Variants in SLC17A7 observed in about 807,000 individuals in gnomAD.
The protein encoded by SLC17A7 is vesicular glutamate transporter 1.
Under a neutral mutation model 59.1 loss-of-function variants are expected in SLC17A7, and 15 were observed. That is an observed-to-expected ratio of 0.25 (90% CI 0.17 to 0.39). The LOEUF is 0.39. Among genes scored for constraint, SLC17A7 ranks in the 10% least tolerant of loss-of-function variants. The probability of loss-of-function intolerance (pLI) is 1.00; values close to 1 mark genes in which losing one functional copy is unlikely to be tolerated. For synonymous variants in SLC17A7, 353 were observed against 308.9 expected (o/e 1.14, Z -1.50); for missense variants, 499 against 765.1 (o/e 0.65, Z 4.10).
chr19:49,431,072 C>G lies in SLC17A7; in HGVS notation c.1332G>C (p.Val444=), dbSNP rs767792001. The G allele has an allele frequency of 1.2e-6, 2 of 1,613,868 alleles. No homozygotes were observed. Among genetic ancestry groups the G allele is most frequent in the East Asian group, 4.5e-5 (2 of 44,876 alleles). ...ASILMGISNG[V]GTLSGMVCPI... ...GGCACACCATGCCCGACAGTGTGCC[C>G]ACGCCGTTGGAGATGCCCATGAGGA... Residue 444 remains valine (V), a synonymous_variant, in exon 11 of 12, where the codon GTG becomes GTC. Transcript: ENST00000221485. The surrounding 1 kb of genome is among the most constrained non-coding windows in gnomAD (Gnocchi z 4.6).
chr19:49,429,713 T>C lies in SLC17A7; in HGVS notation c.*806A>G. On this transcript the variant is annotated 3_prime_UTR_variant, in exon 12 of 12. Transcript: ENST00000221485. ...GCGAGGAATTGGGGAGGGGGCATCATGAAACCACCATGGGGGAGTTCAATG... is the reference window on the plus strand; with the variant it reads ...GCGAGGAATTGGGGAGGGGGCATCACGAAACCACCATGGGGGAGTTCAATG... The C allele has an allele frequency of 5.0e-6, 2 of 396,358 alleles. No homozygotes were observed. Among genetic ancestry groups the C allele is most frequent in the Non-Finnish European group, 8.9e-6 (2 of 224,910 alleles). 24.6% of individuals were successfully genotyped at this position (396,358 alleles called of 1,614,324 possible). A position where few individuals can be genotyped will look rare whatever the true frequency, so the allele number is the denominator to read the frequency against.
In SLC17A7 at chr19:49,431,534, C is replaced by A; in HGVS notation, c.1151-86G>T. 1 of 1,155,660 alleles carries A rather than the reference C, an allele frequency of 8.7e-7. No homozygotes were observed. Among genetic ancestry groups the A allele is most frequent in the South Asian group, 1.3e-5 (1 of 75,622 alleles). 71.6% of individuals were successfully genotyped at this position (1,155,660 alleles called of 1,614,324 possible). A position where few individuals can be genotyped will look rare whatever the true frequency, so the allele number is the denominator to read the frequency against. On this transcript the variant is annotated intron_variant, in intron 9 of 11. Coordinates refer to ENST00000221485, the MANE Select transcript of SLC17A7 (RefSeq NM_020309.4). The surrounding 1 kb of genome is among the most constrained non-coding windows in gnomAD (Gnocchi z 4.6). ...CCCACACCGCCCTTCCAGACCTGCT[C>A]CAGCCCCAAACCGCGTCTATCCACC... is the stretch of plus-strand genomic sequence containing the variant.
chr19:49,434,777 C>T lies in SLC17A7; in HGVS notation c.540G>A (p.Gly180=), dbSNP rs1328453616. Residue 180 remains glycine, a synonymous_variant, in exon 4 of 12, where the codon GGG becomes GGA. Transcript: ENST00000221485. ...TCAGGCGGGGATTTACCTCTACCAA[C>T]CCCTGCAGGATCCTCACGAAGATGA... is the stretch of plus-strand genomic sequence containing the variant. The part of the protein sequence containing the change: ...GCVIFVRILQ[G]LVEGVTYPAC... 14 of 1,614,046 alleles carry T rather than the reference C, an allele frequency of 8.7e-6. No individual in the cohort carries two copies. The highest frequency in any genetic ancestry group is 1.1e-5 in the Non-Finnish European group (13 of 1,180,034).
At position 49,436,346 on chromosome 19, in the gene SLC17A7, G is replaced by C. The variant is rs1645307332; in HGVS notation, c.315+203C>G. Among the ~76,000 whole-genome samples the C allele has an allele frequency of 6.6e-6, 1 of 152,110 alleles. No individual in the cohort carries two copies. Among genetic ancestry groups the C allele is most frequent in the Admixed American group, 6.5e-5 (1 of 15,288 alleles). On this transcript the variant is annotated intron_variant, in intron 2 of 11. Transcript: ENST00000221485. This position sits in a 1 kb window ranked among gnomAD's most constrained non-coding sequence, Gnocchi z 4.1. ...GGAAATAAGGGCGGGACTTCATTTA[G>C]ATCAGGACGGGGCTTAGGAAACGGA...
At chr19:49,434,948 G>T in intron 3 of SLC17A7, 66 bp from the exon 4 acceptor site, 3 of 1,500,836 alleles carry the variant, frequency 2.0e-6, no homozygotes, top group Non-Finnish European at 2.8e-6. Context: ...TGCCTTTCCC[G>T]CCCACAGCAA....
In SLC17A7 at chr19:49,436,102, C is replaced by T. The variant is rs1326404396; in HGVS notation, c.315+447G>A. On this transcript the variant is annotated intron_variant, in intron 2 of 11. Coordinates refer to ENST00000221485, the MANE Select transcript of SLC17A7 (RefSeq NM_020309.4). This position sits in a 1 kb window ranked among gnomAD's most constrained non-coding sequence, Gnocchi z 4.1. The stretch of plus-strand genomic sequence containing the variant: ...CCTGTGGGTCTTTAGATAAGGGACA[C>T]AACACATGCAGTGGGACGTAGGCAG... 1 of 186,040 alleles carries T rather than the reference C, an allele frequency of 5.4e-6. No individual in the cohort carries two copies. The highest frequency in any genetic ancestry group is 1.2e-5 in the Non-Finnish European group (1 of 86,558). 11.5% of individuals were successfully genotyped at this position (186,040 alleles called of 1,614,324 possible). A position where few individuals can be genotyped will look rare whatever the true frequency, so the allele number is the denominator to read the frequency against.
chr19:49,431,520 C>G lies in SLC17A7; in HGVS notation c.1151-72G>C. On this transcript the variant is annotated intron_variant, in intron 9 of 11. Coordinates refer to ENST00000221485, the MANE Select transcript of SLC17A7 (RefSeq NM_020309.4). The surrounding 1 kb of genome is among the most constrained non-coding windows in gnomAD (Gnocchi z 4.6). ...AAGGCGCAGGCTGCCCCACACCGCC[C>G]TTCCAGACCTGCTCCAGCCCCAAAC... 7.9e-7 allele frequency: 1 copy of G among 1,272,310 alleles called. No individual in the cohort carries two copies. The highest frequency in any genetic ancestry group is 1.1e-6 in the Non-Finnish European group (1 of 890,924). The allele number at this position is 1,272,310 out of a possible 1,614,324, so 78.8% of individuals were successfully genotyped here. A position where few individuals can be genotyped will look rare whatever the true frequency, so the allele number is the denominator to read the frequency against.
chr19:49,433,113 T>G lies in SLC17A7; in HGVS notation c.868-153A>C. On this transcript the variant is annotated intron_variant, in intron 7 of 11. Coordinates refer to ENST00000221485, the MANE Select transcript of SLC17A7 (RefSeq NM_020309.4). The surrounding 1 kb of genome is among the most constrained non-coding windows in gnomAD (Gnocchi z 5.7). ...CCCAAAGGCGCGGGCTACACCATGT[T>G]GCCGTGGGGACCCAGGGATCCTAGC... is the stretch of plus-strand genomic sequence containing the variant. 1.3e-6 allele frequency: 1 copy of G among 776,862 alleles called. No homozygotes were observed. Among genetic ancestry groups the G allele is most frequent in the East Asian group, 2.7e-5 (1 of 37,036 alleles). 48.1% of individuals were successfully genotyped at this position (776,862 alleles called of 1,614,324 possible).
At position 49,436,693 on chromosome 19, in the gene SLC17A7, G is replaced by A. The variant is rs776470792; in HGVS notation, c.171C>T (p.Phe57=). Residue 57 remains phenylalanine, a synonymous_variant, in exon 2 of 12, where the codon TTC becomes TTT. Coordinates refer to ENST00000221485, the MANE Select transcript of SLC17A7 (RefSeq NM_020309.4). The surrounding 1 kb of genome is among the most constrained non-coding windows in gnomAD (Gnocchi z 4.1). ...CGATAATGTAGCGGCGAGGGAGGCC[G>A]AAGCAGGTGCAGTCCACCACCGGCG... The part of the protein sequence containing the change: ...RDPPVVDCTC[F]GLPRRYIIAI... 1.2e-5 allele frequency: 20 copies of A among 1,613,748 alleles called. No homozygotes were observed. The highest frequency in any genetic ancestry group is 1.7e-5 in the Non-Finnish European group (20 of 1,179,980).
chr19:49,430,528 C>A lies in SLC17A7; in HGVS notation c.1674G>T (p.Arg558=). The A allele has an allele frequency of 6.3e-7, 1 of 1,575,112 alleles. No homozygotes were observed. Among genetic ancestry groups the A allele is most frequent in the Admixed American group, 1.8e-5 (1 of 57,050 alleles). The change falls in exon 12 of 12, where the codon CGG becomes CGT. Residue 558 remains arginine (R), a synonymous_variant. Coordinates refer to ENST00000221485, the MANE Select transcript of SLC17A7 (RefSeq NM_020309.4). The part of the protein sequence containing the change: ...FQPPRPPPPV[R]DY ...AGTGGGAGGCACATGGTCAGTAGTC[C>A]CGGACAGGGGGTGGGGGCCTGGGGG...
Position 49,429,625 on chromosome 19 carries a change from G to A in SLC17A7, c.*894C>T. Reference sequence around the variant, plus strand: ...CCAGATTTTGAGTCATTAAGCCCCTGAGGGACACAACAAATGGCCACTGAG... The same window carrying A: ...CCAGATTTTGAGTCATTAAGCCCCTAAGGGACACAACAAATGGCCACTGAG... On this transcript the variant is annotated 3_prime_UTR_variant, in exon 12 of 12. Transcript: ENST00000221485. 1 of 398,924 alleles carries A rather than the reference G, an allele frequency of 2.5e-6. No individual in the cohort carries two copies. Among genetic ancestry groups the A allele is most frequent in the Non-Finnish European group, 4.4e-6 (1 of 226,022 alleles). The allele number at this position is 398,924 out of a possible 1,614,324, so 24.7% of individuals were successfully genotyped here.
rs768847106 is a variant in SLC17A7, at chr19:49,441,409, C to T, written c.-30G>A. On this transcript the variant is annotated 5_prime_UTR_variant, in exon 1 of 12. Transcript: ENST00000221485. ...GCGGCTCCTGCCGCCGGTCACCCCG[C>T]GGGTCCCCCCCGCCGATCCCCCCGC... The T allele has an allele frequency of 2.0e-6, 3 of 1,477,816 alleles. No individual in the cohort carries two copies. The highest frequency in any genetic ancestry group is 2.7e-6 in the Non-Finnish European group (3 of 1,115,696). 91.5% of individuals were successfully genotyped at this position (1,477,816 alleles called of 1,614,324 possible). A position where few individuals can be genotyped will look rare whatever the true frequency, so the allele number is the denominator to read the frequency against.
rs564881392 is a variant in SLC17A7 at position 49,432,598 on chromosome 19, G to A, written c.1071C>T (p.Ile357=). ...GCAGGAAGTCCGCGATCTGGCCGCC[G>A]ATGGGCACGATGATGGTCATGACCA... ...PHLVMTIIVP[I]GGQIADFLRS... Residue 357 remains isoleucine, a synonymous_variant, in exon 9 of 12, where the codon ATC becomes ATT. Transcript: ENST00000221485. 1.4e-5 allele frequency: 22 copies of A among 1,613,686 alleles called. 1 individual carries two copies. In the South Asian group the frequency reaches 2.1e-4, roughly 15 times the overall value.
In SLC17A7 at chr19:49,429,464, GAC is replaced by G. The variant is rs1406581366; in HGVS notation, c.*1053_*1054del. ...CAGGATTTACAGTCACAGAGACAGA[GAC>G]ACAAAGACACAACCCTGCACTGGGA... On this transcript the variant is annotated 3_prime_UTR_variant, in exon 12 of 12. Transcript: ENST00000221485. 1 of 399,048 alleles carries G rather than the reference GAC, an allele frequency of 2.5e-6. No homozygotes were observed. Among genetic ancestry groups the G allele is most frequent in the African/African-American group, 2.1e-5 (1 of 48,622 alleles). 24.7% of individuals were successfully genotyped at this position (399,048 alleles called of 1,614,324 possible). A position where few individuals can be genotyped will look rare whatever the true frequency, so the allele number is the denominator to read the frequency against.
Position 49,429,514 on chromosome 19 carries a change from C to G in SLC17A7, c.*1005G>C. The G allele has an allele frequency of 2.5e-6, 1 of 399,078 alleles. No homozygotes were observed. Among genetic ancestry groups the G allele is most frequent in the Non-Finnish European group, 4.4e-6 (1 of 226,088 alleles). 24.7% of individuals were successfully genotyped at this position (399,078 alleles called of 1,614,324 possible). A position where few individuals can be genotyped will look rare whatever the true frequency, so the allele number is the denominator to read the frequency against. Reference sequence around the variant, plus strand: ...GGAAAAAACACCCCTGGCTCCTGCCCCATTCCCTTTCATGGGATTCTGTGA... The same window carrying G: ...GGAAAAAACACCCCTGGCTCCTGCCGCATTCCCTTTCATGGGATTCTGTGA... On this transcript the variant is annotated 3_prime_UTR_variant, in exon 12 of 12. Coordinates refer to ENST00000221485, the MANE Select transcript of SLC17A7 (RefSeq NM_020309.4).
In SLC17A7 at chr19:49,429,827, G is replaced by A. The variant is rs1300301299; in HGVS notation, c.*692C>T. ...GTCAGAAAAAGTGCACGGGGGTAGAGAGGCATATTGTTAAAATTGCGATTT... is the reference window on the plus strand; with the variant it reads ...GTCAGAAAAAGTGCACGGGGGTAGAAAGGCATATTGTTAAAATTGCGATTT... On this transcript the variant is annotated 3_prime_UTR_variant, in exon 12 of 12. Coordinates refer to ENST00000221485, the MANE Select transcript of SLC17A7 (RefSeq NM_020309.4). 1.6e-5 allele frequency: 6 copies of A among 364,606 alleles called. No homozygotes were observed. Among genetic ancestry groups the A allele is most frequent in the Non-Finnish European group, 2.4e-5 (5 of 204,576 alleles). The allele number at this position is 364,606 out of a possible 1,614,324, so 22.6% of individuals were successfully genotyped here.
Position 49,430,614 on chromosome 19 carries a change from G to T in SLC17A7, c.1588C>A (p.Pro530Thr), listed in dbSNP as rs1435925988. The T allele has an allele frequency of 6.2e-7, 1 of 1,613,856 alleles. No homozygotes were observed. Among genetic ancestry groups the T allele is most frequent in the South Asian group, 1.1e-5 (1 of 91,076 alleles). ...DDSEMEDEAE[P>T]PGAPPAPPPS... Reference sequence around the variant, plus strand: ...GGGGGTGCAGGGGGTGCCCCCGGGGGCTCAGCCTCATCCTCCATTTCGCTG... The same window carrying T: ...GGGGGTGCAGGGGGTGCCCCCGGGGTCTCAGCCTCATCCTCCATTTCGCTG... The change falls in exon 12 of 12, where the codon CCC (proline) becomes ACC (threonine). Residue 530 changes from proline to threonine, a missense_variant. Physicochemically the swap from Pro to Thr is conservative, Grantham distance 38 (BLOSUM62 -1). Coordinates refer to ENST00000221485, the MANE Select transcript of SLC17A7 (RefSeq NM_020309.4).
In SLC17A7 at chr19:49,431,544, A is replaced by C; in HGVS notation, c.1151-96T>G. The C allele has an allele frequency of 3.0e-6, 3 of 1,009,864 alleles. No homozygotes were observed. The highest frequency in any genetic ancestry group is 4.4e-6 in the Non-Finnish European group (3 of 675,080). 62.6% of individuals were successfully genotyped at this position (1,009,864 alleles called of 1,614,324 possible). ...CCTTCCAGACCTGCTCCAGCCCCAA[A>C]CCGCGTCTATCCACCCCAGTCTGGC... is the stretch of plus-strand genomic sequence containing the variant. On this transcript the variant is annotated intron_variant, in intron 9 of 11. Coordinates refer to ENST00000221485, the MANE Select transcript of SLC17A7 (RefSeq NM_020309.4). This position sits in a 1 kb window ranked among gnomAD's most constrained non-coding sequence, Gnocchi z 4.6.
rs777620766 is a variant in SLC17A7, at chr19:49,436,502, C to G, written c.315+47G>C. 1 of 1,592,014 alleles carries G rather than the reference C, an allele frequency of 6.3e-7. No individual in the cohort carries two copies. The highest frequency in any genetic ancestry group is 8.5e-7 in the Non-Finnish European group (1 of 1,170,584). On this transcript the variant is annotated intron_variant, in intron 2 of 11. Transcript: ENST00000221485. The surrounding 1 kb of genome is among the most constrained non-coding windows in gnomAD (Gnocchi z 4.1). ...TGACGTCATGGGGGCGTAGGCGGAG[C>G]TCGGTGAGCGGGGCGGGGCTCTGCA...
Sources: allele counts gnomAD v4.1 joint callset (sites outside exome capture counted in the v4.1 genomes callset), GRCh38; gene constraint gnomAD v4.1.1; non-coding constraint Gnocchi (gnomAD v3.1); transcripts MANE v1.5; gene names NCBI Gene and HGNC (gene_info 2026-07-23, HGNC 2026-07-21).